Variants in ADAMTS19 observed in about 807,000 individuals in gnomAD.
The protein encoded by ADAMTS19 is ADAM metallopeptidase with thrombospondin type 1 motif 19, also known as A disintegrin and metalloproteinase with thrombospondin motifs 19.
Under a neutral mutation model 153.3 loss-of-function variants are expected in ADAMTS19, and 93 were observed. The ratio of observed to expected loss-of-function variants is 0.61; its 90% CI spans 0.51 to 0.72. The LOEUF (loss-of-function observed/expected upper bound fraction) is 0.72. ADAMTS19 is among the 30% of genes least tolerant of loss of function. The pLI is 0.00. For missense variants in ADAMTS19, 1,482 were observed against 1,552.1 expected (o/e 0.95, Z 0.76); for synonymous variants, 600 against 556.6 (o/e 1.08, Z -1.10).
intron 7 of ADAMTS19, among the ~76,000 whole-genome samples, chr5:129,560,014 G>C (rs191290409): frequency 6.6e-6 from 1 of 152,032 alleles, no homozygotes; most frequent in East Asian, 1.9e-4. Flanking sequence ...AAGTCTACTG[G>C]GGACACACAC....
At chr5:129,730,808 G>A (rs186103791) in intron 21 of ADAMTS19, among the ~76,000 whole-genome samples, 8 of 152,104 alleles carry the variant, frequency 5.3e-5, no homozygotes, top group Non-Finnish European at 5.9e-5. Context: ...TCATTCTGAA[G>A]TGTACACTCA....
intron 10 of ADAMTS19, 45 bp from the exon 11 acceptor site, chr5:129,641,814 A>T (rs1283197683): frequency 7.6e-7 from 1 of 1,308,368 alleles, no homozygotes; most frequent in Non-Finnish European, 1.1e-6. Context: ...CACTTAAAAA[A>T]ATGTGATACC....
rs1322073005 is a variant in ADAMTS19, at chr5:129,509,260, A to G, written c.913+18A>G. 1 of 1,602,874 alleles carries G rather than the reference A, an allele frequency of 6.2e-7. No individual in the cohort carries two copies. Among genetic ancestry groups the G allele is most frequent in the African/African-American group, 1.3e-5 (1 of 74,410 alleles). On this transcript the variant is annotated intron_variant, in intron 3 of 22. Transcript: ENST00000274487. ...CATTTCAGGTAAATGCCTTCTCCTGAAAGAGTTTTAAGTAAATATTCAATG... is the reference window on the plus strand; with the variant it reads ...CATTTCAGGTAAATGCCTTCTCCTGGAAGAGTTTTAAGTAAATATTCAATG...
chr5:129,702,187 T>C (rs1227889309), intron 20 of ADAMTS19, among the ~76,000 whole-genome samples: 2 of 152,180 alleles, frequency 1.3e-5, no homozygotes, highest in South Asian at 2.1e-4. Context: ...GTGTATAACA[T>C]ACAGTTGTGT....
chr5:129,577,220 T>A (rs79142045), intron 7 of ADAMTS19, among the ~76,000 whole-genome samples: 9,274 of 152,218 alleles, frequency 0.061, 419 homozygotes, highest in Non-Finnish European at 0.088. Flanking sequence ...TTCAAATTTT[T>A]TATTGCTACA....
chr5:129,530,507 T>C (rs992919404), intron 6 of ADAMTS19, among the ~76,000 whole-genome samples: 1 of 152,008 alleles, frequency 6.6e-6, no homozygotes, highest in Non-Finnish European at 1.5e-5. Flanking sequence ...GGAGGAACAA[T>C]GTTCAAATAA....
intron 21 of ADAMTS19, among the ~76,000 whole-genome samples, chr5:129,709,434 G>A (rs1756333947): frequency 6.6e-6 from 1 of 151,894 alleles, no homozygotes; most frequent in Non-Finnish European, 1.5e-5. Flanking sequence ...AAATATTATT[G>A]ATGTTACTGA....
At chr5:129,598,432 C>T in intron 8 of ADAMTS19, among the ~76,000 whole-genome samples, 1 of 152,166 alleles carries the variant, frequency 6.6e-6, no homozygotes, top group Admixed American at 6.5e-5. Context: ...TTGGACATGA[C>T]AGTAGTTGAT....
chr5:129,732,492 C>A (rs1287287259), intron 21 of ADAMTS19, among the ~76,000 whole-genome samples: 1 of 151,986 alleles, frequency 6.6e-6, no homozygotes, highest in East Asian at 1.9e-4. Context: ...GATACAAAAT[C>A]AATGTAGAAG....
At chr5:129,711,853 C>T (rs912794709) in intron 21 of ADAMTS19, among the ~76,000 whole-genome samples, 2 of 151,984 alleles carry the variant, frequency 1.3e-5, no homozygotes, top group African/African-American at 4.8e-5. Context: ...TTTGGTAAAT[C>T]GCAAAGAGGA....
intron 7 of ADAMTS19, among the ~76,000 whole-genome samples, chr5:129,578,478 C>T (rs1749315935): frequency 1.3e-5 from 2 of 151,302 alleles, no homozygotes; most frequent in African/African-American, 4.9e-5. Context: ...ACTTTAAGTT[C>T]TGGGGTACAT....
At chr5:129,591,693 C>T (rs889000722) in intron 7 of ADAMTS19, among the ~76,000 whole-genome samples, 1 of 152,034 alleles carries the variant, frequency 6.6e-6, no homozygotes, top group Admixed American at 6.6e-5. Flanking sequence ...TAGTAAGACT[C>T]ATAGTAAGAC....
At chr5:129,690,596 T>A (rs1755289001) in intron 18 of ADAMTS19, among the ~76,000 whole-genome samples, 1 of 152,150 alleles carries the variant, frequency 6.6e-6, no homozygotes, top group African/African-American at 2.4e-5. Context: ...GGAATAATAT[T>A]TTTTAATGTA....
chr5:129,468,997 A>C (rs891091877), intron 2 of ADAMTS19, among the ~76,000 whole-genome samples: 6 of 151,968 alleles, frequency 3.9e-5, no homozygotes, highest in Admixed American at 3.9e-4. Context: ...GGCTGGTCTC[A>C]AACTCCTGAC....
At chr5:129,612,040 G>A (rs1451068351) in intron 8 of ADAMTS19, among the ~76,000 whole-genome samples, 1 of 151,700 alleles carries the variant, frequency 6.6e-6, no homozygotes, top group Admixed American at 6.6e-5. Flanking sequence ...TGTTACATAT[G>A]TATACATGTG....
At position 129,679,770 on chromosome 5, in the gene ADAMTS19, G is replaced by T. The variant is rs749542479; in HGVS notation, c.2513G>T (p.Arg838Leu). Residue 838 changes from arginine to leucine, a missense_variant, in exon 17 of 23, where the codon CGA (arginine) becomes CTA (leucine). Around this residue, in one of 2 missense-constraint regions of ADAMTS19, gnomAD observed 616 missense variants for 724.4 expected, o/e 0.85. Transcript: ENST00000274487. ...TTTTTGAACCTCTTTATAGCTCTCC[G>T]AGATGCTGGCAAACAGTCTATTAAT... is the stretch of plus-strand genomic sequence containing the variant. ...EKPAHSYLAL[R>L]DAGKQSINSD... 1 of 1,609,468 alleles carries T rather than the reference G, an allele frequency of 6.2e-7. No homozygotes were observed. Among genetic ancestry groups the T allele is most frequent in the Non-Finnish European group, 8.5e-7 (1 of 1,178,316 alleles).
chr5:129,655,156 G>T (rs894431207), intron 14 of ADAMTS19, among the ~76,000 whole-genome samples: 1 of 152,192 alleles, frequency 6.6e-6, no homozygotes, highest in Non-Finnish European at 1.5e-5. Context: ...GTGGAGATAA[G>T]GAAGAGGCAG....
chr5:129,590,595 A>G (rs1448858065), intron 7 of ADAMTS19, among the ~76,000 whole-genome samples: 1 of 152,154 alleles, frequency 6.6e-6, no homozygotes, highest in African/African-American at 2.4e-5. Flanking sequence ...GCTTTTTTAA[A>G]AATATTTTTT....
rs1002400093 is a variant in ADAMTS19, at chr5:129,461,915, A to G, written c.747+158A>G. Among the ~76,000 whole-genome samples the G allele has an allele frequency of 2.0e-5, 3 of 152,148 alleles. No individual in the cohort carries two copies. The highest frequency in any genetic ancestry group is 4.4e-5 in the Non-Finnish European group (3 of 68,014). ...CAGGTGTCTACATCGTTTGCCTCCC[A>G]TGGAACATCTCCAGGGCAGTTGTGT... is the stretch of plus-strand genomic sequence containing the variant. On this transcript the variant is annotated intron_variant, in intron 2 of 22. Transcript: ENST00000274487. This position sits in a 1 kb window ranked among gnomAD's most constrained non-coding sequence, Gnocchi z 4.6.
Sources: allele counts gnomAD v4.1 joint callset (sites outside exome capture counted in the v4.1 genomes callset), GRCh38; gene constraint gnomAD v4.1.1; regional missense constraint gnomAD v4.1.1; non-coding constraint Gnocchi (gnomAD v3.1); transcripts MANE v1.5; gene names NCBI Gene and HGNC (gene_info 2026-07-23, HGNC 2026-07-21).